MUSK: variants seen among roughly 807,000 people sequenced by gnomAD.
The protein encoded by MUSK is muscle associated receptor tyrosine kinase.
A neutral mutation model predicts 88.7 loss-of-function variants in MUSK; 55 were observed. The observed-to-expected ratio is 0.62, with a 90% confidence interval of 0.50 to 0.78. The LOEUF (loss-of-function observed/expected upper bound fraction) is 0.78. MUSK is among the 30% of genes least tolerant of loss of function. The probability of loss-of-function intolerance (pLI) is 0.00; values close to 1 mark genes in which losing one functional copy is unlikely to be tolerated. For missense variants in MUSK, 1,015 were observed against 1,074.3 expected (o/e 0.94, Z 0.77); for synonymous variants, 387 against 391.9 (o/e 0.99, Z 0.15).
At chr9:110,781,503 C>G (rs1267714385) in intron 11 of MUSK, among the ~76,000 whole-genome samples, 1 of 152,170 alleles carries the variant, frequency 6.6e-6, no homozygotes, top group Non-Finnish European at 1.5e-5. Flanking sequence ...GTCTCGATCT[C>G]CTGACCTCGT....
intron 14 of MUSK, 26 bp from the exon 15 acceptor site, chr9:110,800,279 CT>C: frequency 6.4e-7 from 1 of 1,571,028 alleles, no homozygotes; most frequent in South Asian, 1.2e-5. Flanking sequence ...GAAACTGAGA[CT>C]AACAGGGATG....
intron 7 of MUSK, among the ~76,000 whole-genome samples, chr9:110,749,110 C>T: frequency 6.6e-6 from 1 of 152,194 alleles, no homozygotes; most frequent in Non-Finnish European, 1.5e-5. Flanking sequence ...TAGCACTTTG[C>T]TGTTTATAAA....
At chr9:110,741,620 A>G (rs1371118428) in intron 6 of MUSK, among the ~76,000 whole-genome samples, 2 of 152,200 alleles carry the variant, frequency 1.3e-5, no homozygotes, top group Non-Finnish European at 2.9e-5. Context: ...TAATTCATTT[A>G]TTATTGTCAC....
Position 110,800,752 on chromosome 9 carries a change from C to G in MUSK, c.2374C>G (p.Leu792Val). 1 of 1,614,008 alleles carries G rather than the reference C, an allele frequency of 6.2e-7. No individual in the cohort carries two copies. Among genetic ancestry groups the G allele is most frequent in the Non-Finnish European group, 8.5e-7 (1 of 1,179,904 alleles). ...ESDVWAYGVV[L>V]WEIFSYGLQP... ...TGATGTGTGGGCCTATGGCGTGGTC[C>G]TCTGGGAGATCTTCTCCTATGGCCT... The change falls in exon 15 of 15, where the codon CTC becomes GTC. Residue 792 changes from leucine (L) to valine (V), a missense_variant. Physicochemically the swap from Leu to Val is conservative, Grantham distance 32. Transcript: ENST00000374448.
chr9:110,724,657 T>G (rs925511052), intron 5 of MUSK, among the ~76,000 whole-genome samples: 14 of 152,070 alleles, frequency 9.2e-5, no homozygotes, highest in Non-Finnish European at 2.1e-4. Context: ...ACTTATCTGT[T>G]GTGTTTTGTC....
intron 6 of MUSK, 39 bp downstream of exon 6, chr9:110,734,414 C>T: frequency 6.2e-7 from 1 of 1,612,160 alleles, no homozygotes; most frequent in Non-Finnish European, 8.5e-7. Context: ...TGGGGAAGAC[C>T]CATTGGTGGT....
chr9:110,717,458 C>G lies in MUSK; in HGVS notation c.629-16793C>G, dbSNP rs1429647682. ...ACCTTCCCTCATCCTCTGTCACTTT[C>G]CTTGGCATTATCCAAAATTTTATTT... On this transcript the variant is annotated intron_variant, in intron 5 of 14. Coordinates refer to ENST00000374448, the MANE Select transcript of MUSK (RefSeq NM_005592.4). Among the ~76,000 whole-genome samples the G allele has an allele frequency of 1.3e-5, 2 of 149,862 alleles. 1 individual carries two copies. The highest frequency in any genetic ancestry group is 2.9e-5 in the Non-Finnish European group (2 of 67,868).
At chr9:110,798,138 A>T (rs990539468) in intron 14 of MUSK, among the ~76,000 whole-genome samples, 1 of 152,196 alleles carries the variant, frequency 6.6e-6, no homozygotes, top group Non-Finnish European at 1.5e-5. Flanking sequence ...AAGTGATTCC[A>T]CTACTCTCAT....
intron 11 of MUSK, among the ~76,000 whole-genome samples, chr9:110,783,536 CTTT>C (rs1159567148): frequency 6.6e-6 from 1 of 151,898 alleles, no homozygotes; most frequent in Non-Finnish European, 1.5e-5. Flanking sequence ...TCTGTTATAA[CTTT>C]TTTATCATTT....
At chr9:110,734,446 A>T in intron 6 of MUSK, 71 bp downstream of exon 6, 1 of 1,591,698 alleles carries the variant, frequency 6.3e-7, no homozygotes, top group Non-Finnish European at 8.6e-7. Flanking sequence ...TAGACCATAT[A>T]GTTGTAGTTA....
chr9:110,772,721 T>G (rs1362651125), intron 9 of MUSK, among the ~76,000 whole-genome samples: 2 of 152,114 alleles, frequency 1.3e-5, no homozygotes, highest in Non-Finnish European at 2.9e-5. Context: ...ACAATTGTGT[T>G]TCCAAGAATG....
chr9:110,788,059 C>A, intron 14 of MUSK: 5 of 533,712 alleles, frequency 9.4e-6, no homozygotes, highest in Non-Finnish European at 1.3e-5. Context: ...TTGTCTCTGT[C>A]TTTGCTGCCT....
intron 7 of MUSK, among the ~76,000 whole-genome samples, chr9:110,760,596 A>G (rs139171437): frequency 6.6e-6 from 1 of 152,102 alleles, no homozygotes; most frequent in Non-Finnish European, 1.5e-5. Context: ...GGATTAGGAA[A>G]AAAAAAAATA....
At chr9:110,720,652 G>T (rs1268193387) in intron 5 of MUSK, among the ~76,000 whole-genome samples, 2 of 151,930 alleles carry the variant, frequency 1.3e-5, no homozygotes, top group Non-Finnish European at 2.9e-5. Flanking sequence ...TAGCTGAATT[G>T]TATCAGACAT....
intron 7 of MUSK, among the ~76,000 whole-genome samples, chr9:110,753,513 A>T (rs72756528): frequency 0.026 from 3,886 of 151,948 alleles, 72 homozygotes; most frequent in African/African-American, 0.051. Context: ...CCCATTCTCA[A>T]TGGCACCAAC....
intron 7 of MUSK, among the ~76,000 whole-genome samples, chr9:110,748,267 C>T (rs1165724472): frequency 6.8e-6 from 1 of 147,496 alleles, no homozygotes; most frequent in African/African-American, 2.5e-5. Flanking sequence ...TCCTCGTTCT[C>T]TCTTTTGGTT....
chr9:110,679,095 A>T (rs1304483006), intron 1 of MUSK, among the ~76,000 whole-genome samples: 5 of 152,088 alleles, frequency 3.3e-5, no homozygotes, highest in Admixed American at 2.6e-4. Flanking sequence ...TTATAAATGT[A>T]CATTATATCT....
chr9:110,701,993 T>G (rs1357336308), intron 5 of MUSK, among the ~76,000 whole-genome samples: 2 of 149,700 alleles, frequency 1.3e-5, no homozygotes, highest in Admixed American at 6.9e-5. Context: ...TCCTCCAGCC[T>G]TGACCTCCCA....
chr9:110,684,053 C>T (rs941908099), intron 2 of MUSK, among the ~76,000 whole-genome samples: 6 of 151,986 alleles, frequency 3.9e-5, no homozygotes, highest in Admixed American at 6.6e-5. Context: ...GAAATTTTTC[C>T]CCAGACCAAT....
Sources: gnomAD v4.1 joint callset for allele counts (sites outside exome capture counted in the v4.1 genomes callset) on GRCh38, gnomAD v4.1.1 for gene constraint, MANE v1.5 for transcripts, NCBI Gene and HGNC (gene_info 2026-07-23, HGNC 2026-07-21) for gene names.